Variants in FAM178B observed in about 807,000 individuals in gnomAD.
FAM178B encodes the protein protein FAM178B.
In FAM178B, 82 loss-of-function variants were observed where a neutral mutation model predicts 91.7. The observed-to-expected ratio is 0.89, with a 90% confidence interval of 0.75 to 1.07. FAM178B has a LOEUF of 1.07. FAM178B is among the 50% of genes least tolerant of loss of function. The pLI is 0.00. For missense variants in FAM178B, 769 were observed against 846.7 expected (o/e 0.91, Z 1.14); for synonymous variants, 368 against 359.4 (o/e 1.02, Z -0.27).
intron 8 of FAM178B, among the ~76,000 whole-genome samples, chr2:96,942,261 T>C (rs150977068): frequency 1.4e-4 from 21 of 152,296 alleles, no homozygotes; most frequent in African/African-American, 4.1e-4. Flanking sequence ...AGACTTACTA[T>C]TAAGATAGCA....
intron 1 of FAM178B, chr2:96,977,920 C>T (rs1206345871): frequency 2.5e-5 from 10 of 406,652 alleles, no homozygotes; most frequent in Non-Finnish European, 4.3e-5. Context: ...TCTGCAAGTT[C>T]AGCAGTTCAT....
chr2:96,927,925 C>T lies in FAM178B; in HGVS notation c.1193+1281G>A, dbSNP rs540278411. ...AATTCTCTCCCCCGCTCATCCAAGA[C>T]GGTGTGCGATTGCAGCTCTGTGCCA... is the stretch of plus-strand genomic sequence containing the variant. On this transcript the variant is annotated intron_variant, in intron 9 of 16. Coordinates refer to ENST00000490605, the MANE Select transcript of FAM178B (RefSeq NM_001122646.3). 2.2e-4 allele frequency among the ~76,000 whole-genome samples: 33 copies of T among 152,342 alleles called. 1 individual carries two copies. The highest frequency in any genetic ancestry group is 7.2e-4 in the Admixed American group (11 of 15,306).
chr2:96,937,225 G>A (rs2081648265), intron 8 of FAM178B, among the ~76,000 whole-genome samples: 5 of 115,282 alleles, frequency 4.3e-5, no homozygotes, highest in Admixed American at 4.0e-4. Flanking sequence ...CACTTAGGGA[G>A]TGTCAAAAAT....
intron 8 of FAM178B, among the ~76,000 whole-genome samples, chr2:96,942,928 G>A (rs1390652747): frequency 6.6e-6 from 1 of 152,152 alleles, no homozygotes; most frequent in East Asian, 1.9e-4. Context: ...ATGGTGCTGA[G>A]ACAACTGGAT....
intron 8 of FAM178B, among the ~76,000 whole-genome samples, chr2:96,938,313 C>T (rs537825235): frequency 3.9e-5 from 6 of 152,334 alleles, no homozygotes; most frequent in South Asian, 4.1e-4. Flanking sequence ...TCACGAGCTA[C>T]TAATGGCGCA....
Position 96,986,392 on chromosome 2 carries a change from C to CG in FAM178B, c.-80dup. On this transcript the variant is annotated 5_prime_UTR_variant, in exon 1 of 17. Transcript: ENST00000490605. ...GCCTCAGAGGACGGGGCCAGCTAGC[C>CG]GGGAAAGGAAGCAGGAGCAGGCTCC... is the stretch of plus-strand genomic sequence containing the variant. 1.4e-6 allele frequency: 2 copies of CG among 1,478,848 alleles called. No homozygotes were observed. The highest frequency in any genetic ancestry group is 1.8e-6 in the Non-Finnish European group (2 of 1,117,702). The allele number at this position is 1,478,848 out of a possible 1,614,324, so 91.6% of individuals were successfully genotyped here.
At chr2:96,970,103 C>T (rs545106013) in intron 4 of FAM178B, among the ~76,000 whole-genome samples, 34 of 152,322 alleles carry the variant, frequency 2.2e-4, no homozygotes, top group African/African-American at 7.9e-4. Flanking sequence ...CCCATGAAGA[C>T]GACCCCTGTC....
chr2:96,924,621 C>T (rs958231672), intron 9 of FAM178B, among the ~76,000 whole-genome samples: 4 of 152,236 alleles, frequency 2.6e-5, no homozygotes, highest in African/African-American at 9.6e-5. Context: ...CACGCGCTCA[C>T]AGGACGAGAG....
intron 14 of FAM178B, among the ~76,000 whole-genome samples, chr2:96,883,125 G>C (rs1480727002): frequency 6.6e-6 from 1 of 152,198 alleles, no homozygotes. Flanking sequence ...ACAAGGCTGA[G>C]TGACAGCAGA....
At position 96,928,385 on chromosome 2, in the gene FAM178B, C is replaced by T. The variant is rs527373578; in HGVS notation, c.1193+821G>A. Among the ~76,000 whole-genome samples the T allele has an allele frequency of 2.1e-4, 32 of 152,276 alleles. No homozygotes were observed. In the South Asian group the frequency reaches 6.6e-3, roughly 32 times the overall value. On this transcript the variant is annotated intron_variant, in intron 9 of 16. Coordinates refer to ENST00000490605, the MANE Select transcript of FAM178B (RefSeq NM_001122646.3). ...TTAAGCTAAGTCGCCATCCGCCCAC[C>T]AGAGCTATTTATGCATCACGTGGCA...
At chr2:96,984,586 C>T (rs1204164840) in intron 1 of FAM178B, among the ~76,000 whole-genome samples, 1 of 152,224 alleles carries the variant, frequency 6.6e-6, no homozygotes, top group Non-Finnish European at 1.5e-5. Flanking sequence ...CAGTGGGCAG[C>T]TGACTCTAGC....
At chr2:96,942,229 C>T (rs1472070424) in intron 8 of FAM178B, among the ~76,000 whole-genome samples, 1 of 152,178 alleles carries the variant, frequency 6.6e-6, no homozygotes, top group South Asian at 2.1e-4. Flanking sequence ...AATGGAAAGA[C>T]ATCCCATGTT....
At chr2:96,933,361 G>A (rs2081573839) in intron 8 of FAM178B, among the ~76,000 whole-genome samples, 1 of 152,152 alleles carries the variant, frequency 6.6e-6, no homozygotes, top group Non-Finnish European at 1.5e-5. Context: ...CTTCTGGGAT[G>A]GAACTGACAC....
At position 96,921,229 on chromosome 2, in the gene FAM178B, A is replaced by G; in HGVS notation, c.1498T>C (p.Ser500Pro). The G allele has an allele frequency of 6.4e-7, 1 of 1,551,622 alleles. No homozygotes were observed. The highest frequency in any genetic ancestry group is 8.7e-7 in the Non-Finnish European group (1 of 1,146,966). The change falls in exon 12 of 17, where the codon TCT becomes CCT. Residue 500 changes from serine to proline, a missense_variant. Ser to Pro is a moderately conservative substitution (Grantham distance 74, BLOSUM62 -1). Coordinates refer to ENST00000490605, the MANE Select transcript of FAM178B (RefSeq NM_001122646.3). ...GCCAGCAGGTTGTGGTGGTGGTCAG[A>G]CACCCAGCTCAGGGTGCAGCACAGT... ...QELCCTLSWV[S>P]DHHHNLLALV... is the part of the protein sequence containing the mutation.
chr2:96,879,689 C>T (rs1350067394), intron 14 of FAM178B, among the ~76,000 whole-genome samples: 1 of 152,270 alleles, frequency 6.6e-6, no homozygotes, highest in Non-Finnish European at 1.5e-5. Flanking sequence ...TCTGACTCCA[C>T]AGGCTGACCA....
chr2:96,910,940 G>T (rs1334337168), intron 12 of FAM178B, among the ~76,000 whole-genome samples: 1 of 151,694 alleles, frequency 6.6e-6, no homozygotes, highest in Non-Finnish European at 1.5e-5. Flanking sequence ...GCTAATTTTT[G>T]TATTTTTAGT....
intron 13 of FAM178B, among the ~76,000 whole-genome samples, chr2:96,900,110 ACT>A (rs965633324): frequency 6.6e-6 from 1 of 151,164 alleles, no homozygotes; most frequent in African/African-American, 2.4e-5. Flanking sequence ...ACTGGCTCTA[ACT>A]CTCTCTCTGG....
At chr2:96,982,401 G>A (rs2082373694) in intron 1 of FAM178B, among the ~76,000 whole-genome samples, 1 of 151,816 alleles carries the variant, frequency 6.6e-6, no homozygotes, top group Admixed American at 6.6e-5. Flanking sequence ...TAGCTGGGAC[G>A]ACAGGCGTGC....
intron 12 of FAM178B, among the ~76,000 whole-genome samples, chr2:96,905,616 T>G (rs1357064536): frequency 1.3e-5 from 2 of 149,368 alleles, no homozygotes; most frequent in East Asian, 2.0e-4. Flanking sequence ...GAGATAGGAT[T>G]GCTAGATTTA....
Sources: allele counts gnomAD v4.1 joint callset (sites outside exome capture counted in the v4.1 genomes callset), GRCh38; gene constraint gnomAD v4.1.1; transcripts MANE v1.5; gene names NCBI Gene and HGNC (gene_info 2026-07-23, HGNC 2026-07-21).